The following CHML variants were observed in gnomAD, a reference collection of about 807,000 sequenced individuals.
CHML encodes rab proteins geranylgeranyltransferase component A 2.
Under a neutral mutation model 30.4 loss-of-function variants are expected in CHML, and 20 were observed. The ratio of observed to expected loss-of-function variants is 0.66; its 90% CI spans 0.46 to 0.95. CHML has a LOEUF of 0.95. Among genes scored for constraint, CHML ranks in the 40% least tolerant of loss-of-function variants. The pLI is 0.00. For synonymous variants in CHML, 281 were observed against 275.0 expected (o/e 1.02, Z -0.22); for missense variants, 795 against 768.5 (o/e 1.03, Z -0.41).
At chr1:241,636,194 G>C (rs971913880) in intron 1 of CHML, 121 bp from the exon 2 acceptor site, 4 of 398,196 alleles carry the variant, frequency 1.0e-5, no homozygotes, top group African/African-American at 6.2e-5. Context: ...CTCTACTAAA[G>C]CATGTCTTAA....
At chr1:241,636,630 A>C (rs956832108) in intron 1 of CHML, among the ~76,000 whole-genome samples, 3 of 152,244 alleles carry the variant, frequency 2.0e-5, no homozygotes, top group African/African-American at 7.2e-5. Flanking sequence ...GGATTAATTC[A>C]GTAAAACAAC....
rs147840756 is a variant in CHML, at chr1:241,635,206, A to G, written c.561T>C (p.Cys187=). The part of the protein sequence containing the change: ...EKEKYCGDKT[C]MHTVSDKDGD... ...CATCTTTATCTGAAACTGTGTGCAT[A>G]CAAGTTTTATCTCCACAATACTTTT... Residue 187 remains cysteine, a synonymous_variant, in exon 2 of 2, where the codon TGT becomes TGC. Transcript: ENST00000366553. 1.8e-4 allele frequency: 289 copies of G among 1,613,356 alleles called. 1 individual carries two copies. The highest frequency in any genetic ancestry group is 8.1e-4 in the South Asian group (74 of 91,080).
Position 241,640,328 on chromosome 1 carries a change from GTGGGGT to G in CHML, c.-760_-755del. 9.2e-7 allele frequency: 1 copy of G among 1,085,390 alleles called. No individual in the cohort carries two copies. Among genetic ancestry groups the G allele is most frequent in the African/African-American group, 1.7e-5 (1 of 59,470 alleles). 67.2% of individuals were successfully genotyped at this position (1,085,390 alleles called of 1,614,324 possible). A position where few individuals can be genotyped will look rare whatever the true frequency, so the allele number is the denominator to read the frequency against. ...GGGCTCGCGGCGCGCTCCGCACTGG[GTGGGGT>G]TGGGGCTCCGCCGCCTGCTCTAGCC... On this transcript the variant is annotated 5_prime_UTR_variant, in exon 1 of 2. Transcript: ENST00000366553.
chr1:241,634,539 C>T lies in CHML; in HGVS notation c.1228G>A (p.Val410Ile), dbSNP rs79951803. The change falls in exon 2 of 2, where the codon GTA becomes ATA. Residue 410 changes from valine (V) to isoleucine (I), a missense_variant. Transcript: ENST00000366553. ...YCLRHKVQCF[V>I]VDKESGRCKA... ...CATCGTCCAGATTCTTTGTCGACTA[C>T]AAAGCATTGTACTTTATGACGAAGA... 1.9e-6 allele frequency: 3 copies of T among 1,613,772 alleles called. No individual in the cohort carries two copies. The African/African-American group carries it at 4.0e-5, about 22-fold the overall frequency.
Position 241,637,693 on chromosome 1 carries a change from C to G in CHML, c.-307-1620G>C, listed in dbSNP as rs542512480. 5.9e-5 allele frequency among the ~76,000 whole-genome samples: 9 copies of G among 152,182 alleles called. No homozygotes were observed. In the East Asian group the frequency reaches 1.5e-3, roughly 26 times the overall value. On this transcript the variant is annotated intron_variant, in intron 1 of 1. Coordinates refer to ENST00000366553, the MANE Select transcript of CHML (RefSeq NM_001381853.1). Reference sequence around the variant, plus strand: ...TCAAAATGCAAAGCAAGTAGGATGGCCTTACAGAGCATTAAGCTGAATTAC... The same window carrying G: ...TCAAAATGCAAAGCAAGTAGGATGGGCTTACAGAGCATTAAGCTGAATTAC...
In CHML at chr1:241,634,728, A is replaced by ATGTCAT; in HGVS notation, c.1033_1038dup (p.Met345_Thr346dup). 1 of 1,613,992 alleles carries ATGTCAT rather than the reference A, an allele frequency of 6.2e-7. No individual in the cohort carries two copies. Among genetic ancestry groups the ATGTCAT allele is most frequent in the Non-Finnish European group, 8.5e-7 (1 of 1,179,884 alleles). On this transcript the variant is annotated inframe_insertion, in exon 2 of 2. Transcript: ENST00000366553. ...TCTATTGTAGTGCAAGATGATTCTG[A>ATGTCAT]TGTCATTGCAATTGAGTGCAGTACA...
intron 1 of CHML, among the ~76,000 whole-genome samples, chr1:241,636,369 A>G (rs1210689207): frequency 6.6e-6 from 1 of 152,372 alleles, no homozygotes; most frequent in East Asian, 1.9e-4. Context: ...TAAGAAAACT[A>G]TCATGTGAAT....
Position 241,629,004 on chromosome 1 carries a change from A to G in CHML, c.*4792T>C, listed in dbSNP as rs1664510416. ...GACCTAAATTTTCACATGTATCAGTAAACACAATTTATGTTCTTATTAACA... is the reference window on the plus strand; with the variant it reads ...GACCTAAATTTTCACATGTATCAGTGAACACAATTTATGTTCTTATTAACA... On this transcript the variant is annotated 3_prime_UTR_variant, in exon 2 of 2. Coordinates refer to ENST00000366553, the MANE Select transcript of CHML (RefSeq NM_001381853.1). The G allele has an allele frequency of 6.6e-6, 1 of 152,648 alleles. No homozygotes were observed. Among genetic ancestry groups the G allele is most frequent in the African/African-American group, 2.4e-5 (1 of 41,470 alleles). 9.5% of individuals were successfully genotyped at this position (152,648 alleles called of 1,614,324 possible).
At position 241,635,932 on chromosome 1, in the gene CHML, AG is replaced by A; in HGVS notation, c.-167del. ...CTTTTAAAATATTTTTTTTCTTATA[AG>A]TCAGTAGCATAAAAACATGAGCAAG... On this transcript the variant is annotated 5_prime_UTR_variant, in exon 2 of 2. An upstream open reading frame in the 5' UTR gains an earlier in-frame stop. Coordinates refer to ENST00000366553, the MANE Select transcript of CHML (RefSeq NM_001381853.1). 1 of 625,984 alleles carries A rather than the reference AG, an allele frequency of 1.6e-6. No individual in the cohort carries two copies. The highest frequency in any genetic ancestry group is 4.3e-4 in the Middle Eastern group (1 of 2,324). The allele number at this position is 625,984 out of a possible 1,614,324, so 38.8% of individuals were successfully genotyped here.
Position 241,634,484 on chromosome 1 carries a change from C to A in CHML, c.1283G>T (p.Arg428Ile), listed in dbSNP as rs761521790. The change falls in exon 2 of 2, where the codon AGA becomes ATA. Residue 428 changes from arginine (R) to isoleucine (I), a missense_variant. Coordinates refer to ENST00000366553, the MANE Select transcript of CHML (RefSeq NM_001381853.1). Reference protein sequence around the residue: ...CKAIIDHFGQRINAKYFIVED... With the variant: ...CKAIIDHFGQIINAKYFIVED... ...CACAATAAAATATTTAGCATTTATTCTTTGACCAAAGTGATCTATAATTGC... is the reference window on the plus strand; with the variant it reads ...CACAATAAAATATTTAGCATTTATTATTTGACCAAAGTGATCTATAATTGC... 22 of 1,613,624 alleles carry A rather than the reference C, an allele frequency of 1.4e-5. No homozygotes were observed. Among genetic ancestry groups the A allele is most frequent in the Admixed American group, 5.0e-5 (3 of 59,984 alleles).
chr1:241,640,365 G>A lies in CHML; in HGVS notation c.-791C>T, dbSNP rs1665083168. On this transcript the variant is annotated 5_prime_UTR_variant, in exon 1 of 2. Coordinates refer to ENST00000366553, the MANE Select transcript of CHML (RefSeq NM_001381853.1). ...CTCCGCCGCCTGCTCTAGCCATTGTGCACTGAGGGGCCCGCGCTACCGCGC... is the reference window on the plus strand; with the variant it reads ...CTCCGCCGCCTGCTCTAGCCATTGTACACTGAGGGGCCCGCGCTACCGCGC... 5 of 1,013,386 alleles carry A rather than the reference G, an allele frequency of 4.9e-6. No individual in the cohort carries two copies. Among genetic ancestry groups the A allele is most frequent in the Non-Finnish European group, 4.8e-6 (4 of 841,392 alleles). The allele number at this position is 1,013,386 out of a possible 1,614,324, so 62.8% of individuals were successfully genotyped here.
rs763291021 is a variant in CHML, at chr1:241,635,004, G to A, written c.763C>T (p.Arg255Cys). ...GTGACATTTTTAAATTCTACATAAC[G>A]ACTAACATCTGATTTGATTAAAAGA... ...IDLLIKSDVS[R>C]YVEFKNVTRI... Residue 255 changes from arginine to cysteine, a missense_variant, in exon 2 of 2, where the codon CGT becomes TGT. By Grantham distance (180) the Arg-to-Cys change is radical. Transcript: ENST00000366553. The A allele has an allele frequency of 6.8e-6, 11 of 1,613,376 alleles. No individual in the cohort carries two copies. The highest frequency in any genetic ancestry group is 1.1e-5 in the South Asian group (1 of 90,942).
Position 241,640,221 on chromosome 1 carries a change from A to G in CHML, c.-647T>C. On this transcript the variant is annotated 5_prime_UTR_variant, in exon 1 of 2. Transcript: ENST00000366553. ...CCCGCGGCCCCGCCGCCGTCCCAGT[A>G]GCCGTGGCCGCCGCTGCGGTTCCCC... is the stretch of plus-strand genomic sequence containing the variant. The G allele has an allele frequency of 7.5e-7, 1 of 1,332,602 alleles. No individual in the cohort carries two copies. Among genetic ancestry groups the G allele is most frequent in the South Asian group, 2.0e-5 (1 of 49,786 alleles). 82.5% of individuals were successfully genotyped at this position (1,332,602 alleles called of 1,614,324 possible).
At position 241,632,836 on chromosome 1, in the gene CHML, T is replaced by A. The variant is rs1476820569; in HGVS notation, c.*960A>T. On this transcript the variant is annotated 3_prime_UTR_variant, in exon 2 of 2. Transcript: ENST00000366553. ...GGTAATCTATTTATAGAGGGTTTTA[T>A]AAGTATCTGTAATCTCAGGTTAAAA... 2.0e-5 allele frequency: 3 copies of A among 152,270 alleles called. No individual in the cohort carries two copies. Among genetic ancestry groups the A allele is most frequent in the African/African-American group, 7.2e-5 (3 of 41,564 alleles). 9.4% of individuals were successfully genotyped at this position (152,270 alleles called of 1,614,324 possible). A position where few individuals can be genotyped will look rare whatever the true frequency, so the allele number is the denominator to read the frequency against.
Position 241,635,952 on chromosome 1 carries a change from G to T in CHML, c.-186C>A. Reference sequence around the variant, plus strand: ...TTATAAGTCAGTAGCATAAAAACATGAGCAAGTACATCTAATCACATCTGA... The same window carrying T: ...TTATAAGTCAGTAGCATAAAAACATTAGCAAGTACATCTAATCACATCTGA... On this transcript the variant is annotated 5_prime_UTR_variant, in exon 2 of 2. Coordinates refer to ENST00000366553, the MANE Select transcript of CHML (RefSeq NM_001381853.1). The T allele has an allele frequency of 1.7e-6, 1 of 585,840 alleles. No individual in the cohort carries two copies. The highest frequency in any genetic ancestry group is 2.4e-5 in the South Asian group (1 of 41,014). The allele number at this position is 585,840 out of a possible 1,614,324, so 36.3% of individuals were successfully genotyped here.
In CHML at chr1:241,630,356, T is replaced by A. The variant is rs1558445847; in HGVS notation, c.*3440A>T. The A allele has an allele frequency of 6.6e-6, 1 of 152,112 alleles. No individual in the cohort carries two copies. Among genetic ancestry groups the A allele is most frequent in the Non-Finnish European group, 1.5e-5 (1 of 67,938 alleles). The allele number at this position is 152,112 out of a possible 1,614,324, so 9.4% of individuals were successfully genotyped here. On this transcript the variant is annotated 3_prime_UTR_variant, in exon 2 of 2. Coordinates refer to ENST00000366553, the MANE Select transcript of CHML (RefSeq NM_001381853.1). Reference sequence around the variant, plus strand: ...CTATTTAGGCATCTTTCTTAATTTATCTCTATGTAGTTATATAACTTTCTT... The same window carrying A: ...CTATTTAGGCATCTTTCTTAATTTAACTCTATGTAGTTATATAACTTTCTT...
In CHML at chr1:241,631,733, T is replaced by C. The variant is rs1664640770; in HGVS notation, c.*2063A>G. The C allele has an allele frequency of 6.6e-6, 1 of 152,152 alleles. No individual in the cohort carries two copies. Among genetic ancestry groups the C allele is most frequent in the Non-Finnish European group, 1.5e-5 (1 of 67,994 alleles). 9.4% of individuals were successfully genotyped at this position (152,152 alleles called of 1,614,324 possible). ...TAGCCAAATTCTGCTTCGAGATCCA[T>C]GCTCTAAAATATGTTTGTTTAGTTC... On this transcript the variant is annotated 3_prime_UTR_variant, in exon 2 of 2. Coordinates refer to ENST00000366553, the MANE Select transcript of CHML (RefSeq NM_001381853.1).
Position 241,634,018 on chromosome 1 carries a change from G to A in CHML, c.1749C>T (p.Gly583=). Residue 583 remains glycine, a synonymous_variant, in exon 2 of 2, where the codon GGC becomes GGT. Transcript: ENST00000366553. ...NVYVCSGPDC[G]LGNEHAVKQA... ...GCTTGACAGCATGCTCATTTCCCAG[G>A]CCACAGTCAGGCCCAGAGCAGACAT... is the stretch of plus-strand genomic sequence containing the variant. 1 of 1,613,780 alleles carries A rather than the reference G, an allele frequency of 6.2e-7. No individual in the cohort carries two copies. Among genetic ancestry groups the A allele is most frequent in the Non-Finnish European group, 8.5e-7 (1 of 1,179,866 alleles).
At chr1:241,637,950 G>A (rs1374271327) in intron 1 of CHML, among the ~76,000 whole-genome samples, 1 of 152,148 alleles carries the variant, frequency 6.6e-6, no homozygotes, top group East Asian at 1.9e-4. Context: ...TTCTTGCTCA[G>A]GGATAACTCA....
Sources: allele counts gnomAD v4.1 joint callset (sites outside exome capture counted in the v4.1 genomes callset), GRCh38; gene constraint gnomAD v4.1.1; transcripts MANE v1.5; gene names NCBI Gene and HGNC (gene_info 2026-07-23, HGNC 2026-07-21).